UBA6: variants seen among roughly 807,000 people sequenced by gnomAD.
The protein encoded by UBA6 is ubiquitin-like modifier-activating enzyme 6.
A neutral mutation model predicts 148.3 loss-of-function variants in UBA6; 87 were observed. The observed-to-expected ratio is 0.59, with a 90% CI of 0.49 to 0.70. UBA6 has a LOEUF of 0.70. Among genes scored for constraint, UBA6 ranks in the 30% least tolerant of loss-of-function variants. UBA6 has a pLI of 0.00. For synonymous variants in UBA6, 376 were observed against 401.0 expected, an observed-to-expected ratio of 0.94 and a Z score of 0.75; for missense variants, 1,186 against 1,241.2, an observed-to-expected ratio of 0.96 and a Z score of 0.67.
intron 4 of UBA6, among the ~76,000 whole-genome samples, chr4:67,681,165 T>C (rs534295929): frequency 4.5e-4 from 68 of 152,316 alleles, no homozygotes; most frequent in African/African-American, 1.4e-3. Context: ...ACTAATACAA[T>C]GGTATTAAGA....
chr4:67,664,079 T>C, intron 10 of UBA6, 132 bp from the exon 11 acceptor site: 1 of 593,000 alleles, frequency 1.7e-6, no homozygotes, highest in Non-Finnish European at 2.9e-6. Flanking sequence ...GTTGGGCTGG[T>C]ATGTTTTAAC....
rs1323295452 is a variant in UBA6, at chr4:67,663,202, A to G, written c.974T>C (p.Ile325Thr). The change falls in exon 12 of 33, where the codon ATT becomes ACT. Residue 325 changes from isoleucine to threonine, a missense_variant. Ile to Thr is a moderately conservative substitution (Grantham distance 89). Coordinates refer to ENST00000322244, the MANE Select transcript of UBA6 (RefSeq NM_018227.6). The part of the protein sequence containing the change: ...DFSNPEAPLE[I>T]HTAMLALDQF... ...GTCCAAGGCAAGCATAGCTGTGTGAATCTCTAAAGGTGCCTATTGAGAACA... is the reference window on the plus strand; with the variant it reads ...GTCCAAGGCAAGCATAGCTGTGTGAGTCTCTAAAGGTGCCTATTGAGAACA... The G allele has an allele frequency of 6.2e-7, 1 of 1,611,110 alleles. No individual in the cohort carries two copies. Among genetic ancestry groups the G allele is most frequent in the Non-Finnish European group, 8.5e-7 (1 of 1,178,900 alleles).
At chr4:67,686,299 T>C (rs1577838666) in intron 2 of UBA6, among the ~76,000 whole-genome samples, 2 of 152,184 alleles carry the variant, frequency 1.3e-5, no homozygotes, top group South Asian at 2.1e-4. Flanking sequence ...TAGAGTTTTC[T>C]TTCTCTAAGC....
In UBA6 at chr4:67,618,817, T is replaced by C. The variant is rs1028861559; in HGVS notation, c.*180A>G. The C allele has an allele frequency of 5.2e-6, 3 of 581,454 alleles. No homozygotes were observed. The highest frequency in any genetic ancestry group is 8.7e-6 in the Non-Finnish European group (3 of 346,272). The allele number at this position is 581,454 out of a possible 1,614,324, so 36.0% of individuals were successfully genotyped here. A position where few individuals can be genotyped will look rare whatever the true frequency, so the allele number is the denominator to read the frequency against. The stretch of plus-strand genomic sequence containing the variant: ...ACGTGTGAACCGTTAGACAAGTGTA[T>C]GCTATGCCCCAAAATGTTTTATAAT... On this transcript the variant is annotated 3_prime_UTR_variant, in exon 33 of 33. Transcript: ENST00000322244.
chr4:67,621,420 C>T (rs924593865), intron 32 of UBA6, among the ~76,000 whole-genome samples: 5 of 152,200 alleles, frequency 3.3e-5, no homozygotes, highest in Non-Finnish European at 7.3e-5. Flanking sequence ...AGGTATTGAT[C>T]TAAGTGCTTG....
rs1325568033 is a variant in UBA6 at position 67,616,579 on chromosome 4, T to C, written c.*2418A>G. The C allele has an allele frequency of 6.5e-6, 1 of 153,862 alleles. No individual in the cohort carries two copies. Among genetic ancestry groups the C allele is most frequent in the East Asian group, 1.9e-4 (1 of 5,292 alleles). 9.5% of individuals were successfully genotyped at this position (153,862 alleles called of 1,614,324 possible). On this transcript the variant is annotated 3_prime_UTR_variant, in exon 33 of 33. Coordinates refer to ENST00000322244, the MANE Select transcript of UBA6 (RefSeq NM_018227.6). ...CAGTAGTATGGGATTTACCAGATCCTCTAGGTTTTACATGGTCACGACTAT... is the reference window on the plus strand; with the variant it reads ...CAGTAGTATGGGATTTACCAGATCCCCTAGGTTTTACATGGTCACGACTAT...
Position 67,677,119 on chromosome 4 carries a change from G to A in UBA6, c.465+492C>T, listed in dbSNP as rs552271994. ...TTGATAACATTGACTTGCTTTGGCC[G>A]ACAGGATGTTAATGGACACAACAAA... On this transcript the variant is annotated intron_variant, in intron 6 of 32. Coordinates refer to ENST00000322244, the MANE Select transcript of UBA6 (RefSeq NM_018227.6). Among the ~76,000 whole-genome samples, 34 of 152,262 alleles carry A rather than the reference G, an allele frequency of 2.2e-4. 1 individual carries two copies. In the South Asian group the frequency reaches 4.8e-3, roughly 21 times the overall value.
At chr4:67,625,724 T>C (rs185991844) in intron 28 of UBA6, among the ~76,000 whole-genome samples, 26 of 152,078 alleles carry the variant, frequency 1.7e-4, no homozygotes, top group East Asian at 5.8e-4. Context: ...TACTGGTCCA[T>C]GCTTAAAATC....
At position 67,617,944 on chromosome 4, in the gene UBA6, G is replaced by A. The variant is rs1252539881; in HGVS notation, c.*1053C>T. On this transcript the variant is annotated 3_prime_UTR_variant, in exon 33 of 33. Transcript: ENST00000322244. ...GCAATAGTTCATATCAGAAAACAAA[G>A]TTTCTCTCAATAAAGACCTTAAAAA... 6.8e-6 allele frequency: 1 copy of A among 147,368 alleles called. No homozygotes were observed. The highest frequency in any genetic ancestry group is 2.5e-5 in the African/African-American group (1 of 40,098). The allele number at this position is 147,368 out of a possible 1,614,324, so 9.1% of individuals were successfully genotyped here.
intron 5 of UBA6, 63 bp from the exon 6 acceptor site, chr4:67,677,785 G>C: frequency 1.2e-6 from 1 of 849,192 alleles, no homozygotes; most frequent in Non-Finnish European, 1.8e-6. Context: ...TCTTCAAGTT[G>C]GACACTGTAA....
At chr4:67,659,777 G>C (rs1729803708) in intron 13 of UBA6, among the ~76,000 whole-genome samples, 3 of 152,064 alleles carry the variant, frequency 2.0e-5, no homozygotes, top group Non-Finnish European at 4.4e-5. Context: ...GGAATAGTTT[G>C]GAGGGCTCGT....
At chr4:67,700,778 T>C (rs1344396186) in intron 1 of UBA6, among the ~76,000 whole-genome samples, 7 of 151,976 alleles carry the variant, frequency 4.6e-5, no homozygotes, top group Non-Finnish European at 1.0e-4. Context: ...TCTGGTGACT[T>C]GGAGGAAGGA....
intron 17 of UBA6, among the ~76,000 whole-genome samples, chr4:67,641,650 A>C (rs1033495356): frequency 6.6e-6 from 1 of 151,746 alleles, no homozygotes; most frequent in Non-Finnish European, 1.5e-5. Context: ...AAGCAGAGGC[A>C]TACAAACTTT....
At chr4:67,634,021 T>C (rs925857933) in intron 22 of UBA6, among the ~76,000 whole-genome samples, 3 of 152,098 alleles carry the variant, frequency 2.0e-5, no homozygotes, top group Non-Finnish European at 2.9e-5. Flanking sequence ...TACGAATTGC[T>C]GTTTTGTGAG....
rs758045704 is a variant in UBA6, at chr4:67,624,264, GA to G, written c.2713-12del. On this transcript the variant is annotated splice_polypyrimidine_tract_variant and intron_variant, in intron 29 of 32. Transcript: ENST00000322244. ...CATCTCCAAGGCAACCTAGATAAAAGAAGGTGATCTGATAATATAAACAGCC... is the reference window on the plus strand; with the variant it reads ...CATCTCCAAGGCAACCTAGATAAAAGAGGTGATCTGATAATATAAACAGCC... 16 of 1,589,640 alleles carry G rather than the reference GA, an allele frequency of 1.0e-5. No individual in the cohort carries two copies. The African/African-American group carries it at 1.5e-4, about 15-fold the overall frequency.
chr4:67,626,775 A>C (rs995885747), intron 27 of UBA6, among the ~76,000 whole-genome samples: 1 of 151,938 alleles, frequency 6.6e-6, no homozygotes, highest in African/African-American at 2.4e-5. Flanking sequence ...TAATACCCAC[A>C]ATGATACAGT....
chr4:67,674,730 A>AAT (rs951646046), intron 6 of UBA6, among the ~76,000 whole-genome samples: 4 of 152,156 alleles, frequency 2.6e-5, no homozygotes, highest in Non-Finnish European at 5.9e-5. Flanking sequence ...AATGTTAGAA[A>AAT]ATTCTCAGCC....
At chr4:67,653,298 G>A (rs1347906223) in intron 13 of UBA6, among the ~76,000 whole-genome samples, 2 of 152,200 alleles carry the variant, frequency 1.3e-5, no homozygotes, top group East Asian at 3.9e-4. Flanking sequence ...ACCTCATACA[G>A]GTGGGTGCCC....
chr4:67,668,735 T>G (rs1340315867), intron 8 of UBA6, 61 bp from the exon 9 acceptor site: 7 of 1,473,852 alleles, frequency 4.7e-6, no homozygotes, highest in Non-Finnish European at 6.4e-6. Flanking sequence ...GTGTACAAAT[T>G]CAAATCTTAA....
Sources: gnomAD v4.1 joint callset for allele counts (sites outside exome capture counted in the v4.1 genomes callset) on GRCh38, gnomAD v4.1.1 for gene constraint, MANE v1.5 for transcripts, NCBI Gene and HGNC (gene_info 2026-07-23, HGNC 2026-07-21) for gene names.